CSMD2: variants seen among roughly 807,000 people sequenced by gnomAD.
CSMD2 encodes the protein CUB and sushi domain-containing protein 2.
In CSMD2, 130 loss-of-function variants were observed where a neutral mutation model predicts 398.5. The observed-to-expected ratio is 0.33, with a 90% CI of 0.28 to 0.38. The LOEUF (loss-of-function observed/expected upper bound fraction) is 0.38. Ranked by LOEUF, CSMD2 falls within the 10% of genes least tolerant of loss-of-function variation. CSMD2 has a pLI of 1.00. For synonymous variants in CSMD2, 1,828 were observed against 1,908.5 expected, an observed-to-expected ratio of 0.96 and a Z score of 1.10; for missense variants, 3,829 against 4,764.9, an observed-to-expected ratio of 0.80 and a Z score of 5.78.
chr1:33,602,218 C>T, intron 43 of CSMD2, 151 bp downstream of exon 43: 3 of 785,820 alleles, frequency 3.8e-6, no homozygotes, highest in Admixed American at 2.6e-5. Flanking sequence ...CCCCATTCCA[C>T]TATGTTTATT....
At chr1:33,850,082 T>G (rs779912796) in intron 5 of CSMD2, among the ~76,000 whole-genome samples, 3 of 152,084 alleles carry the variant, frequency 2.0e-5, no homozygotes, top group African/African-American at 7.2e-5. Flanking sequence ...GCAGTTGACA[T>G]CCCTTCTGCC....
In CSMD2 at chr1:33,560,243, G is replaced by T. The variant is rs144736956; in HGVS notation, c.8381-770C>A. On this transcript the variant is annotated intron_variant, in intron 53 of 70. Transcript: ENST00000373381. ...CATCTCATTCTGGGTTCATGTAGCAGCCTCCATCTGACTGTCACATTAAGC... is the reference window on the plus strand; with the variant it reads ...CATCTCATTCTGGGTTCATGTAGCATCCTCCATCTGACTGTCACATTAAGC... 1.2e-3 allele frequency among the ~76,000 whole-genome samples: 183 copies of T among 152,306 alleles called. 5 individuals carry two copies. The highest frequency in any genetic ancestry group is 9.3e-4 in the Non-Finnish European group (63 of 68,028).
At chr1:33,692,906 T>C (rs777008339) in intron 25 of CSMD2, 24 bp downstream of exon 25, 60 of 1,606,558 alleles carry the variant, frequency 3.7e-5, no homozygotes, top group Non-Finnish European at 5.0e-5. Context: ...TGGCGATAGT[T>C]ACTTTGTCAG....
At chr1:33,655,621 A>G (rs952949876) in intron 27 of CSMD2, among the ~76,000 whole-genome samples, 1 of 152,320 alleles carries the variant, frequency 6.6e-6, no homozygotes, top group South Asian at 2.1e-4. Context: ...TAAAATGTTT[A>G]GCCCGGTGCC....
chr1:33,647,158 C>A (rs541251949), intron 28 of CSMD2, among the ~76,000 whole-genome samples: 2 of 152,262 alleles, frequency 1.3e-5, no homozygotes, highest in South Asian at 2.1e-4. Context: ...AGCTGTCAAC[C>A]AAAGTAGGTC....
chr1:34,132,957 C>T (rs1445729856), intron 1 of CSMD2, among the ~76,000 whole-genome samples: 2 of 142,562 alleles, frequency 1.4e-5, no homozygotes, highest in East Asian at 4.0e-4. Context: ...CACAAACACA[C>T]ACACACACCT....
chr1:33,970,013 G>T (rs1227085811), intron 3 of CSMD2, among the ~76,000 whole-genome samples: 1 of 151,926 alleles, frequency 6.6e-6, no homozygotes, highest in African/African-American at 2.4e-5. Context: ...GGCTGAGGCA[G>T]GACAATTGCT....
At chr1:34,023,239 G>T (rs1050851317) in intron 3 of CSMD2, among the ~76,000 whole-genome samples, 14 of 152,180 alleles carry the variant, frequency 9.2e-5, no homozygotes, top group African/African-American at 3.4e-4. Context: ...TCTTTTGTTG[G>T]ATAGTGAATG....
At chr1:33,999,076 G>A (rs1471896730) in intron 3 of CSMD2, among the ~76,000 whole-genome samples, 1 of 152,168 alleles carries the variant, frequency 6.6e-6, no homozygotes, top group Non-Finnish European at 1.5e-5. Flanking sequence ...GGCCCCAGAT[G>A]TTCCACTTTC....
chr1:33,707,695 G>GCGCGCACACA (rs1172787777), intron 22 of CSMD2, among the ~76,000 whole-genome samples: 43 of 92,084 alleles, frequency 4.7e-4, no homozygotes, highest in Non-Finnish European at 6.7e-4. Context: ...GCGCGCGCGC[G>GCGCGCACACA]CACACACACA....
At chr1:34,102,065 C>T (rs886149785) in intron 1 of CSMD2, among the ~76,000 whole-genome samples, 8 of 151,004 alleles carry the variant, frequency 5.3e-5, no homozygotes, top group Non-Finnish European at 1.0e-4. Context: ...GAGTCTTGCT[C>T]TGTCACCCAG....
At chr1:33,681,011 G>A (rs1349664869) in intron 25 of CSMD2, among the ~76,000 whole-genome samples, 2 of 123,144 alleles carry the variant, frequency 1.6e-5, no homozygotes, top group African/African-American at 3.1e-5. Context: ...TATAAGCTCC[G>A]CCTCCTGTGT....
chr1:33,595,237 A>G (rs1325665033), intron 44 of CSMD2, among the ~76,000 whole-genome samples: 1 of 152,102 alleles, frequency 6.6e-6, no homozygotes, highest in Non-Finnish European at 1.5e-5. Flanking sequence ...GAACTTTTAT[A>G]TTTTTGAAGA....
chr1:34,158,297 C>A (rs2148576074), intron 1 of CSMD2, among the ~76,000 whole-genome samples: 1 of 152,290 alleles, frequency 6.6e-6, no homozygotes, highest in East Asian at 1.9e-4. Context: ...CATAAAGACT[C>A]TGAAATAATC....
At chr1:33,854,318 C>G (rs1323550246) in intron 5 of CSMD2, among the ~76,000 whole-genome samples, 1 of 152,144 alleles carries the variant, frequency 6.6e-6, no homozygotes, top group African/African-American at 2.4e-5. Flanking sequence ...AGAAAGGGCT[C>G]AGTAAATATC....
intron 2 of CSMD2, among the ~76,000 whole-genome samples, chr1:34,052,461 G>C (rs993956825): frequency 2.0e-5 from 3 of 150,062 alleles, no homozygotes; most frequent in African/African-American, 5.0e-5. Flanking sequence ...TATCCATGGG[G>C]GGGGGGTCGA....
At chr1:33,982,673 G>A (rs1024126964) in intron 3 of CSMD2, among the ~76,000 whole-genome samples, 3 of 152,230 alleles carry the variant, frequency 2.0e-5, no homozygotes, top group Admixed American at 2.0e-4. Flanking sequence ...TAGGAGACCT[G>A]CCAGTTGGTG....
chr1:34,119,509 G>T (rs1161377774), intron 1 of CSMD2, among the ~76,000 whole-genome samples: 1 of 150,710 alleles, frequency 6.6e-6, no homozygotes, highest in East Asian at 2.0e-4. Context: ...GAAAATATTT[G>T]CAAACCATAT....
chr1:33,958,811 C>T (rs1645252427), intron 3 of CSMD2, among the ~76,000 whole-genome samples: 1 of 152,212 alleles, frequency 6.6e-6, no homozygotes, highest in African/African-American at 2.4e-5. Flanking sequence ...GCCTGGACTT[C>T]TGACCCATGG....
Sources: gnomAD v4.1 joint callset for allele counts (sites outside exome capture counted in the v4.1 genomes callset) on GRCh38, gnomAD v4.1.1 for gene constraint, MANE v1.5 for transcripts, NCBI Gene and HGNC (gene_info 2026-07-23, HGNC 2026-07-21) for gene names.